The following DCK variants were observed in gnomAD, a reference collection of about 807,000 sequenced individuals.
DCK encodes deoxyadenosine kinase.
In DCK, 23 loss-of-function variants were observed where a neutral mutation model predicts 38.3. The observed-to-expected ratio is 0.60, with a 90% CI of 0.43 to 0.85. DCK has a LOEUF of 0.85. Ranked by LOEUF, DCK falls within the 40% of genes least tolerant of loss-of-function variation. DCK has a pLI of 0.00. For synonymous variants in DCK, 108 were observed against 100.6 expected, an observed-to-expected ratio of 1.07 and a Z score of -0.44; for missense variants, 259 against 304.4, an observed-to-expected ratio of 0.85 and a Z score of 1.11.
chr4:70,997,635 G>A (rs938627437), intron 1 of DCK, among the ~76,000 whole-genome samples: 1 of 152,178 alleles, frequency 6.6e-6, no homozygotes, highest in Non-Finnish European at 1.5e-5. Flanking sequence ...AATTTATAAG[G>A]AAGAGGAAGC....
intron 2 of DCK, among the ~76,000 whole-genome samples, chr4:71,013,835 G>C (rs1369465907): frequency 6.6e-6 from 1 of 152,216 alleles, no homozygotes; most frequent in Non-Finnish European, 1.5e-5. Flanking sequence ...TCGAGGCTAG[G>C]AGGAAACTGC....
At chr4:70,997,522 G>C (rs1739686942) in intron 1 of DCK, among the ~76,000 whole-genome samples, 1 of 152,048 alleles carries the variant, frequency 6.6e-6, no homozygotes, top group Non-Finnish European at 1.5e-5. Flanking sequence ...ATTCTTTAAA[G>C]TTCTTCCAGG....
intron 2 of DCK, among the ~76,000 whole-genome samples, chr4:71,011,029 C>T (rs1182890540): frequency 2.0e-5 from 3 of 151,602 alleles, no homozygotes; most frequent in Admixed American, 2.0e-4. Context: ...CTCTGCCTCC[C>T]AGGTTCAAGC....
chr4:71,030,643 A>T lies in DCK; in HGVS notation c.*1265A>T, dbSNP rs546475354. On this transcript the variant is annotated 3_prime_UTR_variant, in exon 7 of 7. Transcript: ENST00000286648. Reference sequence around the variant, plus strand: ...TTAATTAAATATTTCTTAAGTATAAACCTTATGAACTACAGTGGAGCTACA... The same window carrying T: ...TTAATTAAATATTTCTTAAGTATAATCCTTATGAACTACAGTGGAGCTACA... 15 of 152,204 alleles carry T rather than the reference A, an allele frequency of 9.9e-5. No individual in the cohort carries two copies. The East Asian group carries it at 2.7e-3, about 27-fold the overall frequency. The allele number at this position is 152,204 out of a possible 1,614,324, so 9.4% of individuals were successfully genotyped here.
In DCK at chr4:71,023,544, AAG is replaced by A. The variant is rs1168420758; in HGVS notation, c.402-13_402-12del. The A allele has an allele frequency of 1.3e-6, 2 of 1,500,102 alleles. No individual in the cohort carries two copies. Among genetic ancestry groups the A allele is most frequent in the Admixed American group, 4.1e-5 (2 of 48,506 alleles). The allele number at this position is 1,500,102 out of a possible 1,614,324, so 92.9% of individuals were successfully genotyped here. On this transcript the variant is annotated splice_polypyrimidine_tract_variant and intron_variant, in intron 3 of 6. Transcript: ENST00000286648. ...TTTTGAAATGATACATGTGTTGATGAAGACTCTCTTTTAGGTATATTTTTGCA... is the reference window on the plus strand; with the variant it reads ...TTTTGAAATGATACATGTGTTGATGAACTCTCTTTTAGGTATATTTTTGCA...
At chr4:71,020,351 T>C (rs1578428189) in intron 2 of DCK, among the ~76,000 whole-genome samples, 1 of 152,248 alleles carries the variant, frequency 6.6e-6, no homozygotes, top group Non-Finnish European at 1.5e-5. Context: ...CAAGAAGATG[T>C]GTTTTGTGAT....
chr4:71,001,023 T>C (rs1191197186), intron 2 of DCK, among the ~76,000 whole-genome samples: 1 of 152,190 alleles, frequency 6.6e-6, no homozygotes, highest in African/African-American at 2.4e-5. Context: ...TCTTGCCTGA[T>C]TGCCCTGGCC....
At chr4:71,016,961 C>T (rs1740285334) in intron 2 of DCK, among the ~76,000 whole-genome samples, 1 of 152,136 alleles carries the variant, frequency 6.6e-6, no homozygotes, top group African/African-American at 2.4e-5. Context: ...AGAGCTTCTG[C>T]ACAGCAAAAG....
chr4:71,026,891 G>A (rs1578431240), intron 6 of DCK, 136 bp downstream of exon 6: 1 of 531,382 alleles, frequency 1.9e-6, no homozygotes, highest in South Asian at 2.8e-5. Context: ...GAAGATTTTG[G>A]ACTGTTTAAG....
At chr4:71,011,723 C>G (rs1740095627) in intron 2 of DCK, among the ~76,000 whole-genome samples, 1 of 152,160 alleles carries the variant, frequency 6.6e-6, no homozygotes, top group African/African-American at 2.4e-5. Flanking sequence ...CTTAATTCAA[C>G]TCTTTTGCAA....
chr4:71,012,581 G>A (rs779893170), intron 2 of DCK, among the ~76,000 whole-genome samples: 15 of 152,224 alleles, frequency 9.9e-5, no homozygotes, highest in Admixed American at 2.6e-4. Context: ...CCAGAGGAAC[G>A]ATCAGGCAGC....
chr4:71,019,330 ATTATAT>A (rs1740349575), intron 2 of DCK, among the ~76,000 whole-genome samples: 1 of 152,170 alleles, frequency 6.6e-6, no homozygotes, highest in Non-Finnish European at 1.5e-5. Flanking sequence ...GGCAAGAGAG[ATTATAT>A]TTATTGAGAA....
chr4:71,011,677 A>C (rs944143317), intron 2 of DCK, among the ~76,000 whole-genome samples: 2 of 152,170 alleles, frequency 1.3e-5, no homozygotes, highest in African/African-American at 4.8e-5. Flanking sequence ...TTTTATAATT[A>C]TCTTGTTTGG....
At chr4:70,994,034 C>A in intron 1 of DCK, 108 bp downstream of exon 1, 1 of 836,642 alleles carries the variant, frequency 1.2e-6, no homozygotes, top group Admixed American at 2.0e-5. Context: ...GCTTTCCCTC[C>A]AGCCTGGCGG....
intron 2 of DCK, among the ~76,000 whole-genome samples, chr4:71,011,178 A>G (rs1316208829): frequency 6.7e-6 from 1 of 149,918 alleles, no homozygotes; most frequent in Admixed American, 6.6e-5. Flanking sequence ...CCTGACCTCA[A>G]GTGATCCACC....
At chr4:71,019,372 C>G (rs1403409756) in intron 2 of DCK, among the ~76,000 whole-genome samples, 1 of 151,918 alleles carries the variant, frequency 6.6e-6, no homozygotes, top group African/African-American at 2.4e-5. Context: ...GGTATGTGGT[C>G]TTTTTTAGTT....
intron 2 of DCK, among the ~76,000 whole-genome samples, chr4:71,014,264 T>A (rs898052990): frequency 2.0e-5 from 3 of 152,176 alleles, no homozygotes; most frequent in Non-Finnish European, 4.4e-5. Context: ...CCCAGATTCA[T>A]AAAGCAAGTC....
At chr4:70,994,427 C>G (rs1020904249) in intron 1 of DCK, among the ~76,000 whole-genome samples, 1 of 152,202 alleles carries the variant, frequency 6.6e-6, no homozygotes, top group African/African-American at 2.4e-5. Context: ...GATTTGATTT[C>G]TATCCCTGCA....
chr4:71,024,777 T>C (rs773581859), intron 4 of DCK, among the ~76,000 whole-genome samples: 1 of 152,110 alleles, frequency 6.6e-6, no homozygotes, highest in Admixed American at 6.5e-5. Context: ...ATAAGGAATA[T>C]GAATAATTTC....
Sources: allele counts gnomAD v4.1 joint callset (sites outside exome capture counted in the v4.1 genomes callset), GRCh38; gene constraint gnomAD v4.1.1; transcripts MANE v1.5; gene names NCBI Gene and HGNC (gene_info 2026-07-23, HGNC 2026-07-21).